CLIP4: variants seen among roughly 807,000 people sequenced by gnomAD.
The protein encoded by CLIP4 is CAP-Gly domain containing linker protein family member 4.
CLIP4 carries 47 observed loss-of-function variants against 73.1 expected under a neutral mutation model. The observed-to-expected ratio is 0.64, with a 90% CI of 0.51 to 0.82. The LOEUF (loss-of-function observed/expected upper bound fraction) is 0.82, where lower values mean the gene tolerates loss of function less well. Ranked by LOEUF, CLIP4 falls within the 40% of genes least tolerant of loss-of-function variation. CLIP4 has a pLI of 0.00. For missense variants in CLIP4, 874 were observed against 852.9 expected, an observed-to-expected ratio of 1.02 and a Z score of -0.31; for synonymous variants, 306 against 295.4, an observed-to-expected ratio of 1.04 and a Z score of -0.37.
upstream of CLIP4, among the ~76,000 whole-genome samples, chr2:29,110,586 G>C (rs1241987412): frequency 6.6e-6 from 1 of 152,188 alleles, no homozygotes; most frequent in African/African-American, 2.4e-5. Context: ...GATATGTAAT[G>C]TATGCTGTAG....
chr2:29,110,029 GC>G (rs1267768444), intron 1 of CLIP4, among the ~76,000 whole-genome samples: 4 of 151,998 alleles, frequency 2.6e-5, no homozygotes, highest in African/African-American at 9.7e-5. Context: ...CTGCATTCCA[GC>G]CTGGGTGACA....
At chr2:29,176,159 C>T (rs1458793695) in intron 15 of CLIP4, among the ~76,000 whole-genome samples, 1 of 152,218 alleles carries the variant, frequency 6.6e-6, no homozygotes, top group East Asian at 1.9e-4. Context: ...GAAAGGGTTT[C>T]AGGTGCTGGC....
At chr2:29,107,353 T>C (rs1299095397) in intron 1 of CLIP4, among the ~76,000 whole-genome samples, 2 of 139,314 alleles carry the variant, frequency 1.4e-5, no homozygotes, top group Admixed American at 1.5e-4. Context: ...TCCTGGAACA[T>C]GATAGTTTTT....
intron 5 of CLIP4, among the ~76,000 whole-genome samples, chr2:29,134,596 A>T (rs537317637): frequency 1.5e-5 from 2 of 131,174 alleles, no homozygotes; most frequent in Admixed American, 9.0e-5. Context: ...TGTGTCTTTA[A>T]TAATTCAAGA....
In CLIP4 at chr2:29,115,454, C is replaced by T. The variant is rs1176253434; in HGVS notation, c.-227C>T. 3.3e-5 allele frequency: 5 copies of T among 149,258 alleles called. No individual in the cohort carries two copies. Among genetic ancestry groups the T allele is most frequent in the African/African-American group, 4.9e-5 (2 of 41,100 alleles). The allele number at this position is 149,258 out of a possible 1,614,324, so 9.2% of individuals were successfully genotyped here. A position where few individuals can be genotyped will look rare whatever the true frequency, so the allele number is the denominator to read the frequency against. ...CCCAGCGCGTGCGCGGGGCCGTGGC[C>T]GAGGCCTGCGCGCCGCCCGGCCGCC... On this transcript the variant is annotated 5_prime_UTR_variant, in exon 1 of 16. Transcript: ENST00000320081. This position sits in a 1 kb window ranked among gnomAD's most constrained non-coding sequence, Gnocchi z 5.1.
chr2:29,163,912 C>G lies in CLIP4; in HGVS notation c.1616C>G (p.Ser539Cys), dbSNP rs1406121434. 1 of 1,613,400 alleles carries G rather than the reference C, an allele frequency of 6.2e-7. No homozygotes were observed. Among genetic ancestry groups the G allele is most frequent in the Non-Finnish European group, 8.5e-7 (1 of 1,179,470 alleles). The change falls in exon 13 of 16, where the codon TCT (serine) becomes TGT (cysteine). Residue 539 changes from serine (S) to cysteine (C), a missense_variant. Ser to Cys is a moderately radical substitution (Grantham distance 112). Coordinates refer to ENST00000320081, the MANE Select transcript of CLIP4 (RefSeq NM_024692.6). Reference protein sequence around the residue: ...SVGGVQYFSCSPRYGIFAPPS... With the variant: ...SVGGVQYFSCCPRYGIFAPPS... ...GGAGGTGTGCAGTATTTTAGCTGTT[C>G]TCCAAGATATGGAATATTTGCTCCC... is the stretch of plus-strand genomic sequence containing the variant.
At chr2:29,131,841 CT>C (rs35879909) in intron 3 of CLIP4, 2 of 325,034 alleles carry the variant, frequency 6.2e-6, no homozygotes. Context: ...AGTGCTTATA[CT>C]TTTTTCAAAT....
chr2:29,176,578 A>G (rs1041358873), intron 15 of CLIP4, among the ~76,000 whole-genome samples: 1 of 152,210 alleles, frequency 6.6e-6, no homozygotes, highest in African/African-American at 2.4e-5. Context: ...CATGGCAGAA[A>G]GGGGGAGGGA....
chr2:29,152,624 C>CTAATTAG, intron 8 of CLIP4, 61 bp from the exon 9 acceptor site: 3 of 1,544,800 alleles, frequency 1.9e-6, no homozygotes, highest in Non-Finnish European at 2.7e-6. Flanking sequence ...ATTAGTTGTA[C>CTAATTAG]TTGTTCCTTT....
At chr2:29,153,437 T>G (rs528928276) in intron 9 of CLIP4, among the ~76,000 whole-genome samples, 1 of 152,324 alleles carries the variant, frequency 6.6e-6, no homozygotes, top group African/African-American at 2.4e-5. Context: ...TTTTTTCGAC[T>G]TCTTATTCAT....
In CLIP4 at chr2:29,181,853, G is replaced by C. The variant is rs749327905; in HGVS notation, c.2078G>C (p.Arg693Pro). 14 of 1,613,466 alleles carry C rather than the reference G, an allele frequency of 8.7e-6. No homozygotes were observed. The highest frequency in any genetic ancestry group is 1.2e-5 in the Non-Finnish European group (14 of 1,179,510). ...GTTCGACCGAGCAGAGTGACCTATC[G>C]GGGAATTAATGGGTCAAAACTTGTG... is the stretch of plus-strand genomic sequence containing the variant. ...VLVRPSRVTYRGINGSKLVDE... is the reference protein window; with the variant it reads ...VLVRPSRVTYPGINGSKLVDE... Residue 693 changes from arginine (R) to proline (P), a missense_variant, in exon 16 of 16, where the codon CGG becomes CCG. Coordinates refer to ENST00000320081, the MANE Select transcript of CLIP4 (RefSeq NM_024692.6).
chr2:29,133,632 G>A (rs772391056), intron 4 of CLIP4, 23 bp from the exon 5 acceptor site: 4 of 1,585,552 alleles, frequency 2.5e-6, no homozygotes, highest in Non-Finnish European at 3.4e-6. Context: ...CTAAAGGAAA[G>A]TAATTTAGAA....
At chr2:29,150,124 A>G (rs1057017501) in intron 8 of CLIP4, among the ~76,000 whole-genome samples, 1 of 152,214 alleles carries the variant, frequency 6.6e-6, no homozygotes, top group Non-Finnish European at 1.5e-5. Context: ...CCAACATGCT[A>G]CATCCTAGGC....
chr2:29,146,402 C>T (rs1286186035), intron 8 of CLIP4, among the ~76,000 whole-genome samples: 1 of 152,168 alleles, frequency 6.6e-6, no homozygotes, highest in Non-Finnish European at 1.5e-5. Flanking sequence ...CCTGAGGTTT[C>T]TTTGAAACTC....
intron 11 of CLIP4, 119 bp from the exon 12 acceptor site, chr2:29,160,214 C>A: frequency 8.1e-7 from 1 of 1,231,092 alleles, no homozygotes; most frequent in Non-Finnish European, 1.2e-6. Context: ...CACCAACTAA[C>A]TAGACTAGTT....
chr2:29,138,346 T>C (rs1665519246), intron 6 of CLIP4, among the ~76,000 whole-genome samples: 1 of 152,136 alleles, frequency 6.6e-6, no homozygotes, highest in African/African-American at 2.4e-5. Flanking sequence ...CTCTATTCTG[T>C]TTCATTGGTC....
At chr2:29,100,442 A>T (rs75323598) in intron 1 of CLIP4, among the ~76,000 whole-genome samples, 4,262 of 152,070 alleles carry the variant, frequency 0.028, 162 homozygotes, top group East Asian at 0.091. Context: ...AGTTTCCTCT[A>T]CTGTTAATAT....
At chr2:29,178,955 C>G (rs1031114265) in intron 15 of CLIP4, among the ~76,000 whole-genome samples, 1 of 152,130 alleles carries the variant, frequency 6.6e-6, no homozygotes, top group Non-Finnish European at 1.5e-5. Context: ...CCACTGTGCC[C>G]TTCTAAGTTT....
chr2:29,174,388 T>G lies in CLIP4; in HGVS notation c.1739T>G (p.Phe580Cys). 6.2e-7 allele frequency: 1 copy of G among 1,612,558 alleles called. No homozygotes were observed. The highest frequency in any genetic ancestry group is 8.5e-7 in the Non-Finnish European group (1 of 1,179,622). The change falls in exon 15 of 16, where the codon TTT (phenylalanine) becomes TGT (cysteine). Residue 580 changes from phenylalanine (F) to cysteine (C), a missense_variant. Transcript: ENST00000320081. Reference protein sequence around the residue: ...NHSYPGFRRSFSTTSASSQKE... With the variant: ...NHSYPGFRRSCSTTSASSQKE... ...TCATATTTAGGTTTTAGGAGAAGTT[T>G]TAGCACAACTTCTGCTTCTTCCCAA...
Sources: gnomAD v4.1 joint callset for allele counts (sites outside exome capture counted in the v4.1 genomes callset) on GRCh38, gnomAD v4.1.1 for gene constraint, Gnocchi (gnomAD v3.1) non-coding constraint, MANE v1.5 for transcripts, NCBI Gene and HGNC (gene_info 2026-07-23, HGNC 2026-07-21) for gene names.